Variants in NCKAP5 observed in about 807,000 individuals in gnomAD.
NCKAP5 encodes the protein nck-associated protein 5.
Under a neutral mutation model 167.0 loss-of-function variants are expected in NCKAP5, and 92 were observed. The ratio of observed to expected loss-of-function variants is 0.55; its 90% confidence interval spans 0.47 to 0.66. The LOEUF (loss-of-function observed/expected upper bound fraction) is 0.66. Among genes scored for constraint, NCKAP5 ranks in the 30% least tolerant of loss-of-function variants. The probability of loss-of-function intolerance (pLI) is 0.00; values close to 1 mark genes in which losing one functional copy is unlikely to be tolerated. For synonymous variants in NCKAP5, 891 were observed against 877.4 expected, an observed-to-expected ratio of 1.02 and a Z score of -0.27; for missense variants, 2,378 against 2,315.0, an observed-to-expected ratio of 1.03 and a Z score of -0.56.
intron 6 of NCKAP5, among the ~76,000 whole-genome samples, chr2:133,036,003 A>G (rs973738992): frequency 1.3e-5 from 2 of 151,968 alleles, no homozygotes; most frequent in Non-Finnish European, 2.9e-5. Flanking sequence ...ATTATAACTC[A>G]TATTGCACGA....
At chr2:133,453,165 T>C (rs538697962) in intron 3 of NCKAP5, among the ~76,000 whole-genome samples, 1 of 152,274 alleles carries the variant, frequency 6.6e-6, no homozygotes, top group African/African-American at 2.4e-5. Context: ...TAGTTAAAAT[T>C]AAACAATGTC....
Position 132,790,203 on chromosome 2 carries a change from T to A in NCKAP5, c.912A>T (p.Glu304Asp). ...TQSRTDAEVHEHQLNTKSALK... is the reference protein window; with the variant it reads ...TQSRTDAEVHDHQLNTKSALK... ...AGGCCGATTTTGTATTTAGTTGGTGTTCCTGAAAAAGCAGGACAGCTCTGA... is the reference window on the plus strand; with the variant it reads ...AGGCCGATTTTGTATTTAGTTGGTGATCCTGAAAAAGCAGGACAGCTCTGA... The change falls in exon 13 of 20, where the codon GAA becomes GAT. Residue 304 changes from glutamate to aspartate, a missense_variant and splice_region_variant. Physicochemically the swap from Glu to Asp is conservative, Grantham distance 45. This residue lies in a region of NCKAP5 where 1,049 missense variants were observed against 1,023.4 expected (regional missense o/e 1.02). Transcript: ENST00000409261. The A allele has an allele frequency of 1.9e-6, 3 of 1,611,012 alleles. No homozygotes were observed. Among genetic ancestry groups the A allele is most frequent in the Non-Finnish European group, 2.5e-6 (3 of 1,178,634 alleles).
chr2:133,462,793 T>C (rs1160594356), intron 3 of NCKAP5, among the ~76,000 whole-genome samples: 1 of 152,028 alleles, frequency 6.6e-6, no homozygotes, highest in Non-Finnish European at 1.5e-5. Context: ...ACTGAGAACC[T>C]CACAAGCCAC....
upstream of NCKAP5, among the ~76,000 whole-genome samples, chr2:133,571,929 C>T (rs1427188048): frequency 6.6e-6 from 1 of 151,604 alleles, no homozygotes; most frequent in Non-Finnish European, 1.5e-5. Context: ...GAGCCAAGAT[C>T]GCACCATTGC....
chr2:133,537,339 G>C (rs1685839785), intron 2 of NCKAP5, among the ~76,000 whole-genome samples: 1 of 151,948 alleles, frequency 6.6e-6, no homozygotes, highest in African/African-American at 2.4e-5. Flanking sequence ...ATAAATGTCT[G>C]CAAAAAAATC....
At chr2:132,919,840 G>A (rs943728277) in intron 8 of NCKAP5, among the ~76,000 whole-genome samples, 1 of 152,170 alleles carries the variant, frequency 6.6e-6, no homozygotes, top group Admixed American at 6.5e-5. Flanking sequence ...CAAAGTGACT[G>A]GAAGATGCTG....
chr2:133,390,972 G>A (rs747189299), intron 3 of NCKAP5: 6 of 152,110 alleles, frequency 3.9e-5, no homozygotes, highest in African/African-American at 4.8e-5. Context: ...TAAGAATTTC[G>A]TATGCACCAA....
At chr2:132,742,107 C>T (rs1302000055) in intron 16 of NCKAP5, among the ~76,000 whole-genome samples, 1 of 152,026 alleles carries the variant, frequency 6.6e-6, no homozygotes, top group African/African-American at 2.4e-5. Flanking sequence ...CCCATAGGTT[C>T]ACTCCATCTC....
chr2:133,228,087 A>G (rs2086975828), intron 4 of NCKAP5, among the ~76,000 whole-genome samples: 1 of 152,188 alleles, frequency 6.6e-6, no homozygotes, highest in African/African-American at 2.4e-5. Flanking sequence ...TTGGCATAGC[A>G]TAGGTGAGGT....
chr2:132,963,725 G>A lies in NCKAP5; in HGVS notation c.574C>T (p.Leu192=). The change falls in exon 8 of 20, where the codon CTA becomes TTA. Residue 192 remains leucine (L), a synonymous_variant. Transcript: ENST00000409261. ...AAAATTGCTTCATTTCTTACCTCTA[G>A]AGCTTTCAATCTCTCTAATAGCAAT... The part of the protein sequence containing the change: ...TKLLLERLKA[L]EAENSALALE... The A allele has an allele frequency of 6.2e-7, 1 of 1,613,602 alleles. No individual in the cohort carries two copies. The highest frequency in any genetic ancestry group is 1.1e-5 in the South Asian group (1 of 91,028).
upstream of NCKAP5, among the ~76,000 whole-genome samples, chr2:133,570,211 G>A (rs571070116): frequency 3.9e-5 from 6 of 152,246 alleles, no homozygotes; most frequent in East Asian, 1.2e-3. Flanking sequence ...ATGATTAACA[G>A]TGGTTACCCT....
At chr2:132,843,464 A>G (rs1688440936) in intron 11 of NCKAP5, among the ~76,000 whole-genome samples, 1 of 152,008 alleles carries the variant, frequency 6.6e-6, no homozygotes, top group Non-Finnish European at 1.5e-5. Context: ...CATCTGTTTA[A>G]GGCTTCTAAA....
intron 19 of NCKAP5, among the ~76,000 whole-genome samples, chr2:132,674,761 G>GA (rs1401607779): frequency 6.6e-6 from 1 of 152,158 alleles, no homozygotes; most frequent in African/African-American, 2.4e-5. Flanking sequence ...TCTGCTATAG[G>GA]AAATGGTATA....
chr2:133,054,796 T>A (rs375536474), intron 6 of NCKAP5, among the ~76,000 whole-genome samples: 5 of 152,174 alleles, frequency 3.3e-5, no homozygotes, highest in African/African-American at 1.2e-4. Context: ...CAATCAGATG[T>A]CCAGGGGGCC....
chr2:133,104,685 C>CA (rs1253984487), intron 6 of NCKAP5, among the ~76,000 whole-genome samples: 2 of 152,178 alleles, frequency 1.3e-5, no homozygotes, highest in African/African-American at 4.8e-5. Flanking sequence ...CCTACTTATG[C>CA]AATAACAAAG....
rs114309012 is a variant in NCKAP5 at position 132,750,207 on chromosome 2, A to G, written c.5129-18156T>C. On this transcript the variant is annotated intron_variant, in intron 16 of 19. Transcript: ENST00000409261. ...TGACCCTGCATTTTAAGTTTGAAAC[A>G]TGCAAAGTTGTTGTCTTTTTTTGTG... Among the ~76,000 whole-genome samples, 409 of 152,326 alleles carry G rather than the reference A, an allele frequency of 2.7e-3. 2 individuals are homozygous for G. The highest frequency in any genetic ancestry group is 9.4e-3 in the African/African-American group (392 of 41,586).
chr2:132,919,587 T>C (rs532556507), intron 8 of NCKAP5, among the ~76,000 whole-genome samples: 6 of 152,146 alleles, frequency 3.9e-5, no homozygotes, highest in African/African-American at 1.4e-4. Context: ...GGGATGATGG[T>C]ATAGCTTCTG....
intron 3 of NCKAP5, among the ~76,000 whole-genome samples, chr2:133,483,103 T>C (rs2151320879): frequency 6.6e-6 from 1 of 152,300 alleles, no homozygotes; most frequent in South Asian, 2.1e-4. Context: ...GCTATTGTCC[T>C]TCTTCTTATC....
chr2:133,603,100 G>A, the NCKAP5 span, among the ~76,000 whole-genome samples: 1 of 152,150 alleles, frequency 6.6e-6, no homozygotes, highest in African/African-American at 2.4e-5. Flanking sequence ...TAAAACCATG[G>A]CTTCAGCTGA....
Sources: allele counts gnomAD v4.1 joint callset (sites outside exome capture counted in the v4.1 genomes callset), GRCh38; gene constraint gnomAD v4.1.1; regional missense constraint gnomAD v4.1.1; transcripts MANE v1.5; gene names NCBI Gene and HGNC (gene_info 2026-07-23, HGNC 2026-07-21).